Variants in PRDM16 observed in about 807,000 individuals in gnomAD.
PRDM16 encodes histone-lysine N-methyltransferase PRDM16.
Under a neutral mutation model 110.6 loss-of-function variants are expected in PRDM16, and 23 were observed. That is an observed-to-expected ratio of 0.21 (90% confidence interval 0.15 to 0.29). The LOEUF (loss-of-function observed/expected upper bound fraction) is 0.29. PRDM16 is among the 10% of genes least tolerant of loss of function. The pLI is 1.00. For synonymous variants in PRDM16, 799 were observed against 781.8 expected (o/e 1.02, Z -0.37); for missense variants, 1,615 against 1,794.3 (o/e 0.90, Z 1.81).
intron 2 of PRDM16, among the ~76,000 whole-genome samples, chr1:3,212,439 G>A (rs1207771404): frequency 6.6e-6 from 1 of 152,120 alleles, no homozygotes; most frequent in African/African-American, 2.4e-5. Context: ...CCTGGAGCCG[G>A]CCGGACGCTG....
chr1:3,161,700 C>T (rs189624558), intron 1 of PRDM16, among the ~76,000 whole-genome samples: 1 of 152,276 alleles, frequency 6.6e-6, no homozygotes, highest in East Asian at 1.9e-4. Flanking sequence ...GGCCCGGCCG[C>T]GGGAGCCTCG....
rs555802427 is a variant in PRDM16 at position 3,175,265 on chromosome 1, G to T, written c.38-10860G>T. ...CTTCAGGATGACCCTGCCGCTCCAG[G>T]AGCCCTCCCACTGAAGAAGGGCCTT... On this transcript the variant is annotated intron_variant, in intron 1 of 16. Coordinates refer to ENST00000270722, the MANE Select transcript of PRDM16 (RefSeq NM_022114.4). The surrounding 1 kb of genome is among the most constrained non-coding windows in gnomAD (Gnocchi z 4.8). Among the ~76,000 whole-genome samples, 5 of 152,304 alleles carry T rather than the reference G, an allele frequency of 3.3e-5. No homozygotes were observed. The South Asian group carries it at 8.3e-4, about 25-fold the overall frequency.
rs114348623 is a variant in PRDM16, at chr1:3,084,310, G to A, written c.37+15014G>A. 4.9e-3 allele frequency among the ~76,000 whole-genome samples: 751 copies of A among 152,256 alleles called. 9 individuals are homozygous for A. Among genetic ancestry groups the A allele is most frequent in the Middle Eastern group, 0.014 (4 of 294 alleles). On this transcript the variant is annotated intron_variant, in intron 1 of 16. Coordinates refer to ENST00000270722, the MANE Select transcript of PRDM16 (RefSeq NM_022114.4). ...GAGGCAGGGCACAGGGGCCGCCTCT[G>A]GCCCTTTCAAAGGGACATTCGATCT...
rs1213531283 is a variant in PRDM16, at chr1:3,181,761, TAC to T, written c.38-4358_38-4357del. Among the ~76,000 whole-genome samples, 9 of 137,834 alleles carry T rather than the reference TAC, an allele frequency of 6.5e-5. No homozygotes were observed. In the South Asian group the frequency reaches 7.1e-4, roughly 11 times the overall value. 90.4% of individuals were successfully genotyped at this position (137,834 alleles called of 152,430 possible). On this transcript the variant is annotated intron_variant, in intron 1 of 16. Transcript: ENST00000270722. ...ACACACGGAGTCTTACACACGGTCT[TAC>T]ACACAGTCTTACACATGCAGTCTTA...
chr1:3,225,457 C>T (rs1331489993), intron 2 of PRDM16, among the ~76,000 whole-genome samples: 3 of 152,148 alleles, frequency 2.0e-5, no homozygotes, highest in South Asian at 2.1e-4. Flanking sequence ...CCAGCCAGCA[C>T]GGCGCGTGGA....
intron 2 of PRDM16, among the ~76,000 whole-genome samples, chr1:3,194,200 G>A (rs982870064): frequency 1.3e-5 from 2 of 152,242 alleles, no homozygotes; most frequent in Non-Finnish European, 1.5e-5. Flanking sequence ...GTGCACACTG[G>A]GGGGCTATTT....
chr1:3,087,669 T>C (rs148972310), intron 1 of PRDM16, among the ~76,000 whole-genome samples: 1 of 152,338 alleles, frequency 6.6e-6, no homozygotes, highest in East Asian at 1.9e-4. Flanking sequence ...AGGAATGCCA[T>C]GTCCAGATGA....
chr1:3,181,105 TAC>T (rs1197280196), intron 1 of PRDM16, among the ~76,000 whole-genome samples: 1 of 19,546 alleles, frequency 5.1e-5, no homozygotes, highest in Admixed American at 7.8e-4. Context: ...CACGCAGTCT[TAC>T]ACGCGGCCTT....
At chr1:3,234,181 C>T (rs920602859) in intron 2 of PRDM16, among the ~76,000 whole-genome samples, 2 of 152,158 alleles carry the variant, frequency 1.3e-5, no homozygotes, top group African/African-American at 4.8e-5. Context: ...AGGGTTCATC[C>T]CTGACTCATC....
At chr1:3,133,132 G>C (rs539159661) in intron 1 of PRDM16, 1 of 152,266 alleles carries the variant, frequency 6.6e-6, no homozygotes, top group African/African-American at 2.4e-5. Flanking sequence ...GACAAAGCCC[G>C]AAGGACGGTG....
intron 3 of PRDM16, among the ~76,000 whole-genome samples, chr1:3,316,960 T>C (rs1641622299): frequency 6.6e-6 from 1 of 152,036 alleles, no homozygotes; most frequent in Admixed American, 6.5e-5. Flanking sequence ...TGACACAGTA[T>C]AGCCAGGTTT....
At chr1:3,144,382 G>C (rs1643606551) in intron 1 of PRDM16, among the ~76,000 whole-genome samples, 1 of 152,242 alleles carries the variant, frequency 6.6e-6, no homozygotes. Context: ...TCTGCAGAGA[G>C]GGGCTGACAG....
intron 1 of PRDM16, among the ~76,000 whole-genome samples, chr1:3,185,283 A>G (rs904523750): frequency 7.2e-5 from 11 of 152,130 alleles, no homozygotes; most frequent in African/African-American, 2.7e-4. Context: ...TCCCAGACAG[A>G]AAAACTGGGC....
chr1:3,291,539 C>G (rs1046182374), intron 3 of PRDM16, among the ~76,000 whole-genome samples: 3 of 152,272 alleles, frequency 2.0e-5, no homozygotes, highest in Admixed American at 1.3e-4. Flanking sequence ...GCCCACAGGC[C>G]TCGCAGAACT....
chr1:3,135,672 C>G (rs879869816), intron 1 of PRDM16, among the ~76,000 whole-genome samples: 2 of 152,218 alleles, frequency 1.3e-5, no homozygotes, highest in African/African-American at 2.4e-5. Flanking sequence ...ACCCAGCTTC[C>G]GGGCACTGGC....
chr1:3,221,184 C>T (rs1202883068), intron 2 of PRDM16, among the ~76,000 whole-genome samples: 6 of 151,908 alleles, frequency 3.9e-5, no homozygotes, highest in Non-Finnish European at 8.8e-5. Context: ...CGGTCTCTGG[C>T]AAAGATGGGC....
rs1474621504 is a variant in PRDM16 at position 3,190,006 on chromosome 1, A to G, written c.387+3532A>G. ...TTCCTTTCTCTTTGTATAGCAAGAG[A>G]CACAGTGCCAGGCAACCCTCGGCTT... is the stretch of plus-strand genomic sequence containing the variant. On this transcript the variant is annotated intron_variant, in intron 2 of 16. Transcript: ENST00000270722. The surrounding 1 kb of genome is among the most constrained non-coding windows in gnomAD (Gnocchi z 5.0). 6.6e-6 allele frequency among the ~76,000 whole-genome samples: 1 copy of G among 152,218 alleles called. No homozygotes were observed. The highest frequency in any genetic ancestry group is 1.5e-5 in the Non-Finnish European group (1 of 68,042).
At chr1:3,202,955 G>C (rs1280024300) in intron 2 of PRDM16, among the ~76,000 whole-genome samples, 1 of 152,216 alleles carries the variant, frequency 6.6e-6, no homozygotes, top group Non-Finnish European at 1.5e-5. Flanking sequence ...GTGGGGGAAG[G>C]AGTTTTCTTT....
intron 7 of PRDM16, 113 bp from the exon 8 acceptor site, chr1:3,405,382 G>C: frequency 8.0e-7 from 1 of 1,252,050 alleles, no homozygotes; most frequent in Non-Finnish European, 1.1e-6. Flanking sequence ...ACTGCAACGT[G>C]GCAAGAGAGA....
Sources: gnomAD v4.1 joint callset for allele counts (sites outside exome capture counted in the v4.1 genomes callset) on GRCh38, gnomAD v4.1.1 for gene constraint, Gnocchi (gnomAD v3.1) non-coding constraint, MANE v1.5 for transcripts, NCBI Gene and HGNC (gene_info 2026-07-23, HGNC 2026-07-21) for gene names.